Variants in PHF20 observed in about 807,000 individuals in gnomAD.
PHF20 encodes glioma-expressed antigen 2.
Under a neutral mutation model 113.5 loss-of-function variants are expected in PHF20, and 23 were observed. That is an observed-to-expected ratio of 0.20 (90% confidence interval 0.15 to 0.29). The LOEUF is 0.29. Among genes scored for constraint, PHF20 ranks in the 10% least tolerant of loss-of-function variants. PHF20 has a pLI of 1.00. For synonymous variants in PHF20, 434 were observed against 457.3 expected (o/e 0.95, Z 0.65); for missense variants, 943 against 1,219.6 (o/e 0.77, Z 3.38).
intron 2 of PHF20, among the ~76,000 whole-genome samples, chr20:35,814,699 C>T (rs1600771163): frequency 6.8e-6 from 1 of 147,550 alleles, no homozygotes; most frequent in East Asian, 2.0e-4. Context: ...CGGTGAAACC[C>T]CGTCTCTACT....
intron 9 of PHF20, among the ~76,000 whole-genome samples, chr20:35,892,501 G>A (rs1211569095): frequency 1.3e-5 from 2 of 152,082 alleles, no homozygotes; most frequent in East Asian, 1.9e-4. Flanking sequence ...GAGCCACCAC[G>A]TCTGGCCTTT....
chr20:35,845,393 T>C, intron 3 of PHF20: 1 of 400,086 alleles, frequency 2.5e-6, no homozygotes, highest in Non-Finnish European at 5.1e-6. Flanking sequence ...AGAGACGTTT[T>C]CTTGCTCTGT....
At chr20:35,928,739 C>T (rs1480748059) in intron 14 of PHF20, 1 of 152,074 alleles carries the variant, frequency 6.6e-6, no homozygotes, top group Non-Finnish European at 1.5e-5. Flanking sequence ...CTTTTGGGGG[C>T]TATTGGAGGG....
intron 9 of PHF20, among the ~76,000 whole-genome samples, chr20:35,882,388 G>C (rs1284327365): frequency 6.6e-6 from 1 of 152,160 alleles, no homozygotes; most frequent in Non-Finnish European, 1.5e-5. Flanking sequence ...GATCCATTGG[G>C]AACATATCAG....
rs80330221 is a variant in PHF20 at position 35,820,416 on chromosome 20, G to C, written c.83+18811G>C. 1.8e-4 allele frequency among the ~76,000 whole-genome samples: 28 copies of C among 151,726 alleles called. No homozygotes were observed. In the East Asian group the frequency reaches 5.0e-3, roughly 27 times the overall value. The stretch of plus-strand genomic sequence containing the variant: ...TGATATATATAGATAATGTTAGGTG[G>C]TGATAAATGCTAGAAAGTGGAATAA... On this transcript the variant is annotated intron_variant, in intron 2 of 17. Coordinates refer to ENST00000374012, the MANE Select transcript of PHF20 (RefSeq NM_016436.5).
intron 1 of PHF20, among the ~76,000 whole-genome samples, chr20:35,792,318 A>G (rs951402434): frequency 1.3e-5 from 2 of 151,836 alleles, no homozygotes; most frequent in African/African-American, 4.8e-5. Context: ...CTCTTGAGTA[A>G]CTGGGATTAC....
At chr20:35,821,678 G>T (rs1171175185) in intron 2 of PHF20, among the ~76,000 whole-genome samples, 4 of 151,992 alleles carry the variant, frequency 2.6e-5, no homozygotes, top group Admixed American at 6.6e-5. Flanking sequence ...AAGTTGCTGT[G>T]GTTATTGTGT....
At chr20:35,886,641 G>A (rs1270586121) in intron 9 of PHF20, among the ~76,000 whole-genome samples, 2 of 152,178 alleles carry the variant, frequency 1.3e-5, no homozygotes, top group Non-Finnish European at 2.9e-5. Context: ...CTTTTCCCCT[G>A]GCTGGAGAAG....
chr20:35,819,399 G>T (rs942121001), intron 2 of PHF20, among the ~76,000 whole-genome samples: 1 of 151,968 alleles, frequency 6.6e-6, no homozygotes, highest in African/African-American at 2.4e-5. Flanking sequence ...GAAGTAGGCT[G>T]GCCTTCCCTG....
chr20:35,804,642 G>C (rs2041847862), intron 2 of PHF20, among the ~76,000 whole-genome samples: 1 of 152,032 alleles, frequency 6.6e-6, no homozygotes, highest in South Asian at 2.1e-4. Flanking sequence ...AAAGTGCTGG[G>C]ATTACAGGTG....
At chr20:35,823,976 A>G (rs900086641) in intron 2 of PHF20, among the ~76,000 whole-genome samples, 4 of 152,232 alleles carry the variant, frequency 2.6e-5, no homozygotes, top group African/African-American at 7.2e-5. Context: ...TTATCTGTTT[A>G]TGTGTTCAAA....
At chr20:35,817,668 C>T (rs942252667) in intron 2 of PHF20, among the ~76,000 whole-genome samples, 2 of 152,068 alleles carry the variant, frequency 1.3e-5, no homozygotes, top group South Asian at 2.1e-4. Flanking sequence ...GTTGGTAGCT[C>T]CTGGCTGTAG....
intron 2 of PHF20, among the ~76,000 whole-genome samples, chr20:35,823,670 A>T (rs1356158211): frequency 2.0e-5 from 3 of 151,664 alleles, no homozygotes; most frequent in Non-Finnish European, 4.4e-5. Flanking sequence ...GAAGAAAGAA[A>T]AAAAAAGATA....
At chr20:35,778,006 TTTC>T (rs2041209151) in intron 1 of PHF20, among the ~76,000 whole-genome samples, 1 of 152,272 alleles carries the variant, frequency 6.6e-6, no homozygotes, top group South Asian at 2.1e-4. Flanking sequence ...CCTCTGGAGT[TTTC>T]TTCTTTCATC....
At chr20:35,878,514 A>G (rs1163524031) in intron 9 of PHF20, 14 of 625,980 alleles carry the variant, frequency 2.2e-5, no homozygotes, top group East Asian at 2.2e-4. Flanking sequence ...CAGGGATCCA[A>G]ACTTATTCAA....
At chr20:35,846,858 C>A (rs2042634275) in intron 3 of PHF20, among the ~76,000 whole-genome samples, 1 of 152,158 alleles carries the variant, frequency 6.6e-6, no homozygotes, top group South Asian at 2.1e-4. Flanking sequence ...GTTTAGCTCA[C>A]AATTCTGCAG....
chr20:35,931,407 G>A lies in PHF20; in HGVS notation c.2263G>A (p.Val755Ile), dbSNP rs751554371. 7 of 1,613,616 alleles carry A rather than the reference G, an allele frequency of 4.3e-6. No homozygotes were observed. The East Asian group carries it at 1.1e-4, about 26-fold the overall frequency. The change falls in exon 15 of 18, where the codon GTT (valine) becomes ATT (isoleucine). Residue 755 changes from valine to isoleucine, a missense_variant. By Grantham distance (29) the Val-to-Ile change is conservative (BLOSUM62 3). Coordinates refer to ENST00000374012, the MANE Select transcript of PHF20 (RefSeq NM_016436.5). ...TGGTGATGTGCAGAGAGTGATTGAG[G>A]TTCTGCATGGCCTGCAGCTCAAGAT... ...LLGDVQRVIE[V>I]LHGLQLKMSI...
intron 12 of PHF20, 97 bp from the exon 13 acceptor site, chr20:35,917,387 G>C (rs2055424054): frequency 1.9e-6 from 2 of 1,040,620 alleles, no homozygotes; most frequent in Non-Finnish European, 1.5e-6. Context: ...CTTGTTTGGA[G>C]GTATGGGACT....
chr20:35,812,286 T>A (rs900249850), intron 2 of PHF20, among the ~76,000 whole-genome samples: 1 of 152,192 alleles, frequency 6.6e-6, no homozygotes, highest in Non-Finnish European at 1.5e-5. Flanking sequence ...TCCACATTAC[T>A]TTTTTATTTT....
Sources: allele counts gnomAD v4.1 joint callset (sites outside exome capture counted in the v4.1 genomes callset), GRCh38; gene constraint gnomAD v4.1.1; transcripts MANE v1.5; gene names NCBI Gene and HGNC (gene_info 2026-07-23, HGNC 2026-07-21).